The following VENTX variants were observed in gnomAD, a reference collection of about 807,000 sequenced individuals.
VENTX encodes VENT homeobox.
A neutral mutation model predicts 10.5 loss-of-function variants in VENTX; 13 were observed. That is an observed-to-expected ratio of 1.23 (90% CI 0.80 to 1.96). VENTX has a LOEUF of 1.96. VENTX is among the 30% of genes most tolerant of loss of function. The pLI, the probability that VENTX is intolerant of heterozygous loss-of-function variation, is 0.00. For synonymous variants in VENTX, 177 were observed against 150.4 expected (o/e 1.18, Z -1.29); for missense variants, 400 against 341.8 (o/e 1.17, Z -1.34).
chr10:133,239,660 T>G lies in VENTX; in HGVS notation c.242-16T>G. The G allele has an allele frequency of 1.9e-6, 3 of 1,610,946 alleles. No individual in the cohort carries two copies. The highest frequency in any genetic ancestry group is 2.5e-6 in the Non-Finnish European group (3 of 1,179,916). On this transcript the variant is annotated splice_polypyrimidine_tract_variant and intron_variant, in intron 1 of 2. Transcript: ENST00000325980. ...GGGTGGCATGTTGAGCCAAATGCCC[T>G]TACCCTCTATGTCAGGGTTGAGTAA...
rs1845909030 is a variant in VENTX, at chr10:133,239,929, C to T, written c.403-3C>T. The T allele has an allele frequency of 1.9e-6, 3 of 1,611,018 alleles. No individual in the cohort carries two copies. Reference sequence around the variant, plus strand: ...CCCTGTTCTGATCTTGCTTTTCCTACAGATAAAAACCTGGTTTCAGAATCG... The same window carrying T: ...CCCTGTTCTGATCTTGCTTTTCCTATAGATAAAAACCTGGTTTCAGAATCG... On this transcript the variant is annotated splice_region_variant and splice_polypyrimidine_tract_variant and intron_variant, in intron 2 of 2. Coordinates refer to ENST00000325980, the MANE Select transcript of VENTX (RefSeq NM_014468.4).
rs754779912 is a variant in VENTX, at chr10:133,238,136, G to C, written c.222G>C (p.Ala74=). The C allele has an allele frequency of 6.2e-7, 1 of 1,603,710 alleles. No individual in the cohort carries two copies. Among genetic ancestry groups the C allele is most frequent in the African/African-American group, 1.3e-5 (1 of 74,856 alleles). Reference sequence around the variant, plus strand: ...CCGCCGGGTCCTCAAATCTGCCTGCGCCGGAGAGGACCATGGCCGGTAGGT... The same window carrying C: ...CCGCCGGGTCCTCAAATCTGCCTGCCCCGGAGAGGACCATGGCCGGTAGGT... The part of the protein sequence containing the change: ...KEAAGSSNLP[A]PERTMAGLSK... Residue 74 remains alanine, a synonymous_variant, in exon 1 of 3, where the codon GCG becomes GCC. Coordinates refer to ENST00000325980, the MANE Select transcript of VENTX (RefSeq NM_014468.4).
At chr10:133,238,197 A>ATGGG in intron 1 of VENTX, 42 bp downstream of exon 1, 1 of 1,547,158 alleles carries the variant, frequency 6.5e-7, no homozygotes. Flanking sequence ...CCAGGTGGAG[A>ATGGG]TGGGAGTGGG....
At position 133,239,802 on chromosome 10, in the gene VENTX, G is replaced by A. The variant is rs1386763276; in HGVS notation, c.368G>A (p.Arg123Lys). ...HQYLSPLERK[R>K]LAREMQLSEV... ...TACCTGAGCCCTCTGGAGCGGAAGAGGCTGGCCAGGGAGATGCAGCTCTCA... is the reference window on the plus strand; with the variant it reads ...TACCTGAGCCCTCTGGAGCGGAAGAAGCTGGCCAGGGAGATGCAGCTCTCA... Residue 123 changes from arginine to lysine, a missense_variant, in exon 2 of 3, where the codon AGG becomes AAG. Physicochemically the swap from Arg to Lys is conservative, Grantham distance 26. Transcript: ENST00000325980. The A allele has an allele frequency of 3.7e-6, 6 of 1,611,596 alleles. No homozygotes were observed. The highest frequency in any genetic ancestry group is 5.1e-6 in the Non-Finnish European group (6 of 1,179,974).
In VENTX at chr10:133,238,655, A is replaced by G. The variant is rs1845887752; in HGVS notation, c.241+500A>G. Among the ~76,000 whole-genome samples, 3 of 151,770 alleles carry G rather than the reference A, an allele frequency of 2.0e-5. No homozygotes were observed. The South Asian group carries it at 6.3e-4, about 32-fold the overall frequency. On this transcript the variant is annotated intron_variant, in intron 1 of 2. Transcript: ENST00000325980. Reference sequence around the variant, plus strand: ...CAGGTTCGCTGCAGGGGTGGCGGTGACCCCGATGCCTGCAGAAACTCTGAA... The same window carrying G: ...CAGGTTCGCTGCAGGGGTGGCGGTGGCCCCGATGCCTGCAGAAACTCTGAA...
At position 133,241,438 on chromosome 10, in the gene VENTX, A is replaced by G. The variant is rs1845933334; in HGVS notation, c.*1132A>G. On this transcript the variant is annotated 3_prime_UTR_variant, in exon 3 of 3. Coordinates refer to ENST00000325980, the MANE Select transcript of VENTX (RefSeq NM_014468.4). ...GAAGTGCCCAGAATGGGAGGCACGG[A>G]AGCCCCTCCCGGGGAGGACTCCCGC... 6.6e-6 allele frequency: 1 copy of G among 152,306 alleles called. No homozygotes were observed. The allele number at this position is 152,306 out of a possible 1,614,324, so 9.4% of individuals were successfully genotyped here.
intron 1 of VENTX, among the ~76,000 whole-genome samples, chr10:133,238,999 G>A (rs958425269): frequency 6.6e-6 from 1 of 152,328 alleles, no homozygotes; most frequent in South Asian, 2.1e-4. Context: ...CTGCCAGAAG[G>A]CATTTGCTTT....
chr10:133,238,032 T>C lies in VENTX; in HGVS notation c.118T>C (p.Phe40Leu). 1 of 1,600,998 alleles carries C rather than the reference T, an allele frequency of 6.2e-7. No individual in the cohort carries two copies. The highest frequency in any genetic ancestry group is 1.1e-5 in the South Asian group (1 of 89,276). The stretch of plus-strand genomic sequence containing the variant: ...GACCCACACCCCCAGGCCTGCCGAC[T>C]TCTCCCTGGGGAGCCTCCCTGGCCC... The part of the protein sequence containing the change: ...GPTHTPRPAD[F>L]SLGSLPGPGQ... Residue 40 changes from phenylalanine (F) to leucine (L), a missense_variant, in exon 1 of 3, where the codon TTC becomes CTC. Transcript: ENST00000325980.
At chr10:133,239,594 C>T in intron 1 of VENTX, 82 bp from the exon 2 acceptor site, 3 of 1,523,868 alleles carry the variant, frequency 2.0e-6, no homozygotes, top group Non-Finnish European at 2.7e-6. Flanking sequence ...CCCAGCATGG[C>T]TGTCTTCACC....
Position 133,238,133 on chromosome 10 carries a change from T to C in VENTX, c.219T>C (p.Pro73=). 1 of 1,603,710 alleles carries C rather than the reference T, an allele frequency of 6.2e-7. No homozygotes were observed. Among genetic ancestry groups the C allele is most frequent in the Non-Finnish European group, 8.5e-7 (1 of 1,176,026 alleles). The change falls in exon 1 of 3, where the codon CCT becomes CCC. Residue 73 remains proline, a synonymous_variant. Transcript: ENST00000325980. Reference sequence around the variant, plus strand: ...AGGCCGCCGGGTCCTCAAATCTGCCTGCGCCGGAGAGGACCATGGCCGGTA... The same window carrying C: ...AGGCCGCCGGGTCCTCAAATCTGCCCGCGCCGGAGAGGACCATGGCCGGTA... ...IKEAAGSSNL[P]APERTMAGLS... is the part of the protein sequence containing the mutation.
At chr10:133,239,198 C>T (rs1845893458) in intron 1 of VENTX, among the ~76,000 whole-genome samples, 1 of 152,208 alleles carries the variant, frequency 6.6e-6, no homozygotes, top group African/African-American at 2.4e-5. Flanking sequence ...TTGGTGCCAG[C>T]CCCCATTCCT....
In VENTX at chr10:133,239,796, G is replaced by C; in HGVS notation, c.362G>C (p.Arg121Pro). 1 of 1,611,494 alleles carries C rather than the reference G, an allele frequency of 6.2e-7. No homozygotes were observed. The highest frequency in any genetic ancestry group is 8.5e-7 in the Non-Finnish European group (1 of 1,179,876). ...QHHQYLSPLE[R>P]KRLAREMQLS... is the part of the protein sequence containing the mutation. ...CACCAGTACCTGAGCCCTCTGGAGC[G>C]GAAGAGGCTGGCCAGGGAGATGCAG... Residue 121 changes from arginine to proline, a missense_variant, in exon 2 of 3, where the codon CGG (arginine) becomes CCG (proline). Physicochemically the swap from Arg to Pro is moderately radical, Grantham distance 103. Coordinates refer to ENST00000325980, the MANE Select transcript of VENTX (RefSeq NM_014468.4).
chr10:133,241,326 T>G lies in VENTX; in HGVS notation c.*1020T>G, dbSNP rs1475745500. The G allele has an allele frequency of 6.5e-6, 1 of 153,140 alleles. No homozygotes were observed. Among genetic ancestry groups the G allele is most frequent in the East Asian group, 1.9e-4 (1 of 5,196 alleles). 9.5% of individuals were successfully genotyped at this position (153,140 alleles called of 1,614,324 possible). Reference sequence around the variant, plus strand: ...GAAGCTGTCCCGCAGGTCCCCACCCTCCAACACGTGCTCACCTGTCCCCCT... The same window carrying G: ...GAAGCTGTCCCGCAGGTCCCCACCCGCCAACACGTGCTCACCTGTCCCCCT... On this transcript the variant is annotated 3_prime_UTR_variant, in exon 3 of 3. Coordinates refer to ENST00000325980, the MANE Select transcript of VENTX (RefSeq NM_014468.4).
rs569932236 is a variant in VENTX, at chr10:133,240,401, C to G, written c.*95C>G. The G allele has an allele frequency of 7.0e-7, 1 of 1,427,480 alleles. No individual in the cohort carries two copies. The highest frequency in any genetic ancestry group is 9.2e-7 in the Non-Finnish European group (1 of 1,086,208). The allele number at this position is 1,427,480 out of a possible 1,614,324, so 88.4% of individuals were successfully genotyped here. A position where few individuals can be genotyped will look rare whatever the true frequency, so the allele number is the denominator to read the frequency against. On this transcript the variant is annotated 3_prime_UTR_variant, in exon 3 of 3. Coordinates refer to ENST00000325980, the MANE Select transcript of VENTX (RefSeq NM_014468.4). Reference sequence around the variant, plus strand: ...TGTTCTGTTTACATCCTGGTGGCACCTCTCACCCTGACCCACACAAAGGTT... The same window carrying G: ...TGTTCTGTTTACATCCTGGTGGCACGTCTCACCCTGACCCACACAAAGGTT...
rs779897057 is a variant in VENTX, at chr10:133,240,232, C to G, written c.703C>G (p.Pro235Ala). ...LASHPPTPGRPSLGPALSTGP... is the reference protein window; with the variant it reads ...LASHPPTPGRASLGPALSTGP... ...GTCCCACCCCCCTACCCCAGGCCGG[C>G]CTTCGCTGGGACCAGCCCTGTCCAC... Residue 235 changes from proline to alanine, a missense_variant, in exon 3 of 3, where the codon CCT (proline) becomes GCT (alanine). Pro to Ala is a conservative substitution (Grantham distance 27). Coordinates refer to ENST00000325980, the MANE Select transcript of VENTX (RefSeq NM_014468.4). 6.2e-7 allele frequency: 1 copy of G among 1,611,572 alleles called. No individual in the cohort carries two copies. Among genetic ancestry groups the G allele is most frequent in the Non-Finnish European group, 8.5e-7 (1 of 1,179,684 alleles).
rs775801433 is a variant in VENTX, at chr10:133,239,810, A to G, written c.376A>G (p.Arg126Gly). 125 of 1,446,790 alleles carry G rather than the reference A, an allele frequency of 8.6e-5. No individual in the cohort carries two copies. The highest frequency in any genetic ancestry group is 1.1e-4 in the Non-Finnish European group (120 of 1,078,860). 89.6% of individuals were successfully genotyped at this position (1,446,790 alleles called of 1,614,324 possible). The change falls in exon 2 of 3, where the codon AGG (arginine) becomes GGG (glycine). Residue 126 changes from arginine to glycine, a missense_variant. Coordinates refer to ENST00000325980, the MANE Select transcript of VENTX (RefSeq NM_014468.4). ...LSPLERKRLA[R>G]EMQLSEVQIK... ...CCCTCTGGAGCGGAAGAGGCTGGCC[A>G]GGGAGATGCAGCTCTCAGAGGTCCA...
chr10:133,239,997 C>G lies in VENTX; in HGVS notation c.468C>G (p.His156Gln), dbSNP rs759463983. Residue 156 changes from histidine (H) to glutamine (Q), a missense_variant, in exon 3 of 3, where the codon CAC (histidine) becomes CAG (glutamine). By Grantham distance (24) the His-to-Gln change is conservative. Transcript: ENST00000325980. ...HKRQMQDPQL[H>Q]SPFSGSLHAP... ...GGCAAATGCAGGACCCCCAGCTGCACAGCCCCTTCTCGGGGTCTCTCCATG... is the reference window on the plus strand; with the variant it reads ...GGCAAATGCAGGACCCCCAGCTGCAGAGCCCCTTCTCGGGGTCTCTCCATG... 2 of 1,612,390 alleles carry G rather than the reference C, an allele frequency of 1.2e-6. No individual in the cohort carries two copies. Among genetic ancestry groups the G allele is most frequent in the South Asian group, 2.2e-5 (2 of 91,020 alleles).
chr10:133,240,393 G>A lies in VENTX; in HGVS notation c.*87G>A. On this transcript the variant is annotated 3_prime_UTR_variant, in exon 3 of 3. Transcript: ENST00000325980. ...GACTCAGTTGTTCTGTTTACATCCT[G>A]GTGGCACCTCTCACCCTGACCCACA... 2.1e-6 allele frequency: 3 copies of A among 1,460,994 alleles called. No homozygotes were observed. The highest frequency in any genetic ancestry group is 1.8e-6 in the Non-Finnish European group (2 of 1,107,696). The allele number at this position is 1,460,994 out of a possible 1,614,324, so 90.5% of individuals were successfully genotyped here. A position where few individuals can be genotyped will look rare whatever the true frequency, so the allele number is the denominator to read the frequency against.
Position 133,238,166 on chromosome 10 carries a change from G to A in VENTX, c.241+11G>A. 1.3e-6 allele frequency: 2 copies of A among 1,577,864 alleles called. No homozygotes were observed. The highest frequency in any genetic ancestry group is 1.7e-6 in the Non-Finnish European group (2 of 1,160,762). On this transcript the variant is annotated intron_variant, in intron 1 of 2. Coordinates refer to ENST00000325980, the MANE Select transcript of VENTX (RefSeq NM_014468.4). The stretch of plus-strand genomic sequence containing the variant: ...AGAGGACCATGGCCGGTAGGTCCGG[G>A]TGGGGGGGGTCCCTTCCTTCCCAGG...
Sources: allele counts gnomAD v4.1 joint callset (sites outside exome capture counted in the v4.1 genomes callset), GRCh38; gene constraint gnomAD v4.1.1; transcripts MANE v1.5; gene names NCBI Gene and HGNC (gene_info 2026-07-23, HGNC 2026-07-21).